ADGRL3: variants seen among roughly 807,000 people sequenced by gnomAD.
The protein encoded by ADGRL3 is calcium-independent alpha-latrotoxin receptor 3.
A neutral mutation model predicts 153.5 loss-of-function variants in ADGRL3; 62 were observed. The ratio of observed to expected loss-of-function variants is 0.40; its 90% confidence interval spans 0.33 to 0.50. The LOEUF is 0.50. ADGRL3 is among the 20% of genes least tolerant of loss of function. ADGRL3 has a pLI of 0.47. For synonymous variants in ADGRL3, 710 were observed against 672.5 expected, an observed-to-expected ratio of 1.06 and a Z score of -0.86; for missense variants, 1,641 against 1,859.4, an observed-to-expected ratio of 0.88 and a Z score of 2.16.
At chr4:61,334,165 C>T (rs1459695165) in intron 1 of ADGRL3, among the ~76,000 whole-genome samples, 1 of 152,092 alleles carries the variant, frequency 6.6e-6, no homozygotes, top group Non-Finnish European at 1.5e-5. Context: ...TATCCTCCCA[C>T]CTCAGCCTCC....
chr4:61,836,428 C>T (rs2097936328), intron 9 of ADGRL3, among the ~76,000 whole-genome samples: 1 of 151,976 alleles, frequency 6.6e-6, no homozygotes, highest in South Asian at 2.1e-4. Context: ...TTTATAAAAT[C>T]CACTGGATAT....
intron 3 of ADGRL3, among the ~76,000 whole-genome samples, chr4:61,515,144 G>T (rs946699255): frequency 1.3e-5 from 2 of 152,048 alleles, no homozygotes; most frequent in East Asian, 3.9e-4. Context: ...GATGTTGCTT[G>T]CCTCTCTGCC....
At chr4:61,227,199 TG>T (rs879609758) in intron 1 of ADGRL3, among the ~76,000 whole-genome samples, 48 of 152,254 alleles carry the variant, frequency 3.2e-4, no homozygotes, top group Non-Finnish European at 5.7e-4. Flanking sequence ...TCATTTCTTC[TG>T]GCACCTCACT....
At chr4:62,019,072 C>G (rs2099226170) in intron 21 of ADGRL3, among the ~76,000 whole-genome samples, 1 of 152,112 alleles carries the variant, frequency 6.6e-6, no homozygotes, top group African/African-American at 2.4e-5. Flanking sequence ...CAAAATGGTT[C>G]TATGATTTAT....
At position 61,794,521 on chromosome 4, in the gene ADGRL3, TA is replaced by T. The variant is rs148749294; in HGVS notation, c.1400-19287del. On this transcript the variant is annotated intron_variant, in intron 8 of 26. Coordinates refer to ENST00000683033, the MANE Select transcript of ADGRL3 (RefSeq NM_001387552.1). ...CTGTCTCTTGTTAAATAATGAGTGA[TA>T]TTTTTCTGTGAATTCATTTGAAGAA... 9.1e-3 allele frequency among the ~76,000 whole-genome samples: 1,393 copies of T among 152,356 alleles called. 19 individuals are homozygous for T. Among genetic ancestry groups the T allele is most frequent in the African/African-American group, 0.032 (1,319 of 41,584 alleles).
intron 22 of ADGRL3, among the ~76,000 whole-genome samples, chr4:62,029,704 G>GTT (rs11337568): frequency 2.2e-5 from 3 of 134,246 alleles, no homozygotes; most frequent in African/African-American, 5.5e-5. Flanking sequence ...TTCTTTTGTT[G>GTT]TTTTTTTTTT....
At chr4:61,893,081 G>GTCCC (rs1554056483) in intron 10 of ADGRL3, 123 bp downstream of exon 10, 30 of 428,740 alleles carry the variant, frequency 7.0e-5, no homozygotes, top group Non-Finnish European at 1.1e-4. Context: ...CTCCCTCCTT[G>GTCCC]TCTCTTTCTT....
chr4:61,438,866 C>A (rs1358140098), intron 2 of ADGRL3, among the ~76,000 whole-genome samples: 1 of 151,948 alleles, frequency 6.6e-6, no homozygotes, highest in Non-Finnish European at 1.5e-5. Context: ...CGCCACCACG[C>A]CCGGCTAATT....
chr4:62,022,932 A>C (rs541534553), intron 21 of ADGRL3, among the ~76,000 whole-genome samples: 2 of 152,282 alleles, frequency 1.3e-5, no homozygotes, highest in African/African-American at 4.8e-5. Flanking sequence ...CCATGGATCA[A>C]TGAGTAATTT....
Position 61,867,468 on chromosome 4 carries a change from C to T in ADGRL3, c.1481-25188C>T, listed in dbSNP as rs556395612. On this transcript the variant is annotated intron_variant, in intron 9 of 26. Transcript: ENST00000683033. ...CGCACCGAGATGGTGCCGCTGCACTCCAGCCTGGGCGACAGAGGGAGACCC... is the reference window on the plus strand; with the variant it reads ...CGCACCGAGATGGTGCCGCTGCACTTCAGCCTGGGCGACAGAGGGAGACCC... Among the ~76,000 whole-genome samples the T allele has an allele frequency of 1.2e-3, 159 of 135,060 alleles. 1 individual carries two copies. The highest frequency in any genetic ancestry group is 4.0e-3 in the African/African-American group (150 of 37,110). The allele number at this position is 135,060 out of a possible 152,430, so 88.6% of individuals were successfully genotyped here. A position where few individuals can be genotyped will look rare whatever the true frequency, so the allele number is the denominator to read the frequency against.
chr4:61,304,519 T>TAA (rs1031449234), intron 1 of ADGRL3, among the ~76,000 whole-genome samples: 1 of 152,218 alleles, frequency 6.6e-6, no homozygotes, highest in African/African-American at 2.4e-5. Flanking sequence ...TCTTACCCTT[T>TAA]AACTGTGTGT....
chr4:61,803,143 GT>G (rs1029664629), intron 8 of ADGRL3, among the ~76,000 whole-genome samples: 12 of 148,742 alleles, frequency 8.1e-5, no homozygotes, highest in African/African-American at 9.8e-5. Flanking sequence ...AATGGAAAAA[GT>G]TTTTTTTTTG....
chr4:61,709,300 C>T (rs1305104300), intron 6 of ADGRL3, among the ~76,000 whole-genome samples: 2 of 152,116 alleles, frequency 1.3e-5, no homozygotes, highest in East Asian at 1.9e-4. Context: ...TTGAATGTTA[C>T]CTAATTGGCC....
At chr4:61,352,186 G>A (rs1438301757) in intron 1 of ADGRL3, among the ~76,000 whole-genome samples, 1 of 152,134 alleles carries the variant, frequency 6.6e-6, no homozygotes, top group African/African-American at 2.4e-5. Flanking sequence ...TGCAAATGGG[G>A]TAGAAATAGC....
chr4:61,377,317 G>A (rs2096615438), intron 1 of ADGRL3, among the ~76,000 whole-genome samples: 1 of 151,878 alleles, frequency 6.6e-6, no homozygotes, highest in South Asian at 2.1e-4. Context: ...TAGTATTTAT[G>A]TAAACAAAAC....
chr4:61,915,928 C>T (rs1379108873), intron 13 of ADGRL3, among the ~76,000 whole-genome samples: 1 of 151,906 alleles, frequency 6.6e-6, no homozygotes, highest in African/African-American at 2.4e-5. Flanking sequence ...TTTAATATAG[C>T]CTTTTCATAA....
intron 1 of ADGRL3, among the ~76,000 whole-genome samples, chr4:61,340,638 T>C (rs1204638456): frequency 6.6e-6 from 1 of 152,128 alleles, no homozygotes; most frequent in Non-Finnish European, 1.5e-5. Flanking sequence ...ATGCTGTGTA[T>C]CTTATGCTAT....
Position 61,677,428 on chromosome 4 carries a change from G to A in ADGRL3, c.583+493G>A. 4.9e-6 allele frequency: 2 copies of A among 406,890 alleles called. 1 individual carries two copies. Among genetic ancestry groups the A allele is most frequent in the South Asian group, 3.7e-5 (2 of 54,102 alleles). 25.2% of individuals were successfully genotyped at this position (406,890 alleles called of 1,614,324 possible). On this transcript the variant is annotated intron_variant, in intron 6 of 26. Transcript: ENST00000683033. ...GAAAAAATAAAGATTAAAAGAACTT[G>A]AAGTACTCTTCAGACTATATGTTTT...
chr4:61,894,216 G>T (rs4860440), intron 10 of ADGRL3, among the ~76,000 whole-genome samples: 116,691 of 151,936 alleles, frequency 0.77, 45,100 homozygotes, highest in East Asian at 0.99. Context: ...AGCATTCTCA[G>T]GGACTTTCTC....
Sources: gnomAD v4.1 joint callset for allele counts (sites outside exome capture counted in the v4.1 genomes callset) on GRCh38, gnomAD v4.1.1 for gene constraint, MANE v1.5 for transcripts, NCBI Gene and HGNC (gene_info 2026-07-23, HGNC 2026-07-21) for gene names.